The following EPB41L1 variants were observed in gnomAD, a reference collection of about 807,000 sequenced individuals.
The protein encoded by EPB41L1 is band 4.1-like protein 1.
Under a neutral mutation model 97.8 loss-of-function variants are expected in EPB41L1, and 29 were observed. The ratio of observed to expected loss-of-function variants is 0.30; its 90% confidence interval spans 0.22 to 0.40. The LOEUF is 0.40. Among genes scored for constraint, EPB41L1 ranks in the 10% least tolerant of loss-of-function variants. The probability of loss-of-function intolerance (pLI) is 1.00; values close to 1 mark genes in which losing one functional copy is unlikely to be tolerated. For missense variants in EPB41L1, 812 were observed against 1,162.3 expected, an observed-to-expected ratio of 0.70 and a Z score of 4.38; for synonymous variants, 383 against 459.2, an observed-to-expected ratio of 0.83 and a Z score of 2.12.
intron 16 of EPB41L1, among the ~76,000 whole-genome samples, chr20:36,213,982 C>T (rs1178457563): frequency 6.6e-6 from 1 of 151,546 alleles, no homozygotes; most frequent in African/African-American, 2.4e-5. Context: ...AATGGCTCGC[C>T]CTGTGATTGT....
intron 2 of EPB41L1, among the ~76,000 whole-genome samples, chr20:36,140,591 A>G (rs887203097): frequency 6.6e-6 from 1 of 152,178 alleles, no homozygotes; most frequent in Non-Finnish European, 1.5e-5. Context: ...GAATATTAAT[A>G]TTCTGGTTGG....
intron 21 of EPB41L1, among the ~76,000 whole-genome samples, chr20:36,226,509 G>A (rs2064163467): frequency 6.6e-6 from 1 of 152,270 alleles, no homozygotes; most frequent in South Asian, 2.1e-4. Context: ...ATGATGGATT[G>A]ATTAGAGAGT....
intron 1 of EPB41L1, among the ~76,000 whole-genome samples, chr20:36,106,134 T>C (rs2058184769): frequency 6.6e-6 from 1 of 152,214 alleles, no homozygotes; most frequent in South Asian, 2.1e-4. Context: ...TGGACCTTGC[T>C]GGCTTTGCCT....
At chr20:36,098,173 T>C (rs2057894875) in intron 1 of EPB41L1, among the ~76,000 whole-genome samples, 1 of 152,296 alleles carries the variant, frequency 6.6e-6, no homozygotes, top group African/African-American at 2.4e-5. Context: ...AGCCTGGCCC[T>C]GGAAGGTGCA....
chr20:36,105,226 G>T (rs931532578), intron 1 of EPB41L1, among the ~76,000 whole-genome samples: 2 of 152,142 alleles, frequency 1.3e-5, no homozygotes, highest in Admixed American at 6.5e-5. Context: ...TACAGCCCTG[G>T]ACTGTAGTGG....
chr20:36,207,853 T>C lies in EPB41L1; in HGVS notation c.1669-1635T>C. ...GGGGGCTGGCCGCATGCTCTGTAGT[T>C]TTTAGAAGCATGTTTCAGTGGCCCC... On this transcript the variant is annotated intron_variant, in intron 14 of 21. Transcript: ENST00000338074. The surrounding 1 kb of genome is among the most constrained non-coding windows in gnomAD (Gnocchi z 4.9). The C allele has an allele frequency of 8.2e-7, 1 of 1,212,338 alleles. No homozygotes were observed. Among genetic ancestry groups the C allele is most frequent in the Non-Finnish European group, 1.1e-6 (1 of 950,224 alleles). The allele number at this position is 1,212,338 out of a possible 1,614,324, so 75.1% of individuals were successfully genotyped here. A position where few individuals can be genotyped will look rare whatever the true frequency, so the allele number is the denominator to read the frequency against.
At chr20:36,138,199 C>G (rs1600519852) in intron 2 of EPB41L1, among the ~76,000 whole-genome samples, 1 of 152,070 alleles carries the variant, frequency 6.6e-6, no homozygotes, top group East Asian at 1.9e-4. Flanking sequence ...CTCTTTGACA[C>G]CTTGCTTTCA....
At chr20:36,171,766 C>T (rs1366887401) in intron 1 of EPB41L1, among the ~76,000 whole-genome samples, 1 of 152,110 alleles carries the variant, frequency 6.6e-6, no homozygotes, top group African/African-American at 2.4e-5. Flanking sequence ...CGTGGCTAGC[C>T]CAGGGTGGAT....
Position 36,094,053 on chromosome 20 carries a change from A to G in EPB41L1, c.-65+2441A>G, listed in dbSNP as rs562596676. The stretch of plus-strand genomic sequence containing the variant: ...GAAAGAGATGTCTCTGGGTATGTCC[A>G]TACCCCTTTCTCCAAGTACTGGTGC... On this transcript the variant is annotated intron_variant, in intron 1 of 19. Coordinates refer to the EPB41L1 transcript ENST00000202028. Among the ~76,000 whole-genome samples, 10 of 152,302 alleles carry G rather than the reference A, an allele frequency of 6.6e-5. No individual in the cohort carries two copies. In the East Asian group the frequency reaches 1.9e-3, roughly 29 times the overall value.
upstream of EPB41L1, chr20:36,154,636 C>A: frequency 1.2e-6 from 1 of 818,730 alleles, no homozygotes; most frequent in Non-Finnish European, 1.3e-6. The surrounding 1 kb of genome is among the most constrained non-coding windows in gnomAD (Gnocchi z 5.5). Flanking sequence ...GAGGCCGGGG[C>A]GGGGGCGGGG....
intron 1 of EPB41L1, among the ~76,000 whole-genome samples, chr20:36,159,370 T>A (rs1371479875): frequency 6.6e-6 from 1 of 152,162 alleles, no homozygotes; most frequent in East Asian, 1.9e-4. Context: ...CTGGATAAAA[T>A]AATACGCAGT....
intron 19 of EPB41L1, 73 bp downstream of exon 19, chr20:36,219,917 C>T (rs1420167546): frequency 7.5e-6 from 10 of 1,329,702 alleles, no homozygotes; most frequent in Middle Eastern, 1.8e-4. Context: ...TGTTCTGCTT[C>T]GGCTTCGCCA....
intron 2 of EPB41L1, among the ~76,000 whole-genome samples, chr20:36,149,332 G>A (rs1467177574): frequency 6.6e-6 from 1 of 152,222 alleles, no homozygotes; most frequent in Non-Finnish European, 1.5e-5. Context: ...TTTGTATACT[G>A]TGACCTGCTA....
Position 36,194,239 on chromosome 20 carries a change from G to T in EPB41L1, c.1328G>T (p.Ser443Ile). The change falls in exon 12 of 22, where the codon AGC becomes ATC. Residue 443 changes from serine to isoleucine, a missense_variant. Coordinates refer to ENST00000338074, the MANE Select transcript of EPB41L1 (RefSeq NM_012156.2). ...GAEFSRPASV[S>I]ENHDAGPDGD... ...GAGTTCTCCCGCCCAGCCTCGGTCA[G>T]CGAGAACCATGATGCAGGGCCTGAC... 1 of 1,614,130 alleles carries T rather than the reference G, an allele frequency of 6.2e-7. No individual in the cohort carries two copies. Among genetic ancestry groups the T allele is most frequent in the South Asian group, 1.1e-5 (1 of 91,072 alleles).
intron 7 of EPB41L1, among the ~76,000 whole-genome samples, chr20:36,185,884 GT>G (rs2061663931): frequency 6.6e-6 from 1 of 152,244 alleles, no homozygotes; most frequent in Non-Finnish European, 1.5e-5. Context: ...CATGTTGGCT[GT>G]TAGTGTTGCT....
intron 12 of EPB41L1, 36 bp downstream of exon 12, chr20:36,194,396 G>A (rs1053834326): frequency 1.3e-6 from 2 of 1,572,348 alleles, no homozygotes; most frequent in African/African-American, 2.7e-5. Context: ...TCTGCCCTGG[G>A]GATCAGGAGG....
At chr20:36,136,483 C>T (rs932056061) in intron 2 of EPB41L1, among the ~76,000 whole-genome samples, 3 of 151,426 alleles carry the variant, frequency 2.0e-5, no homozygotes, top group African/African-American at 4.9e-5. Context: ...CCTGGTCCAT[C>T]TTAACCATTT....
intron 2 of EPB41L1, among the ~76,000 whole-genome samples, chr20:36,141,339 A>G (rs575778760): frequency 5.9e-5 from 9 of 152,082 alleles, no homozygotes; most frequent in African/African-American, 1.9e-4. Flanking sequence ...TGTCATCTTT[A>G]TTATTTTTTT....
chr20:36,172,074 T>C (rs535644957), intron 1 of EPB41L1, among the ~76,000 whole-genome samples: 30 of 152,248 alleles, frequency 2.0e-4, no homozygotes, highest in African/African-American at 5.1e-4. Flanking sequence ...ATGTATATTT[T>C]ATTTATTTAT....
Sources: allele counts gnomAD v4.1 joint callset (sites outside exome capture counted in the v4.1 genomes callset), GRCh38; gene constraint gnomAD v4.1.1; non-coding constraint Gnocchi (gnomAD v3.1); transcripts MANE v1.5; gene names NCBI Gene and HGNC (gene_info 2026-07-23, HGNC 2026-07-21).